The following CSE1L variants were observed in gnomAD, a reference collection of about 807,000 sequenced individuals.
CSE1L encodes the protein exportin-2.
CSE1L carries 24 observed loss-of-function variants against 120.4 expected under a neutral mutation model. The ratio of observed to expected loss-of-function variants is 0.20; its 90% CI spans 0.14 to 0.28. CSE1L has a LOEUF of 0.28. CSE1L is among the 10% of genes least tolerant of loss of function. The pLI, the probability that CSE1L is intolerant of heterozygous loss-of-function variation, is 1.00. For missense variants in CSE1L, 830 were observed against 1,145.2 expected, an observed-to-expected ratio of 0.72 and a Z score of 3.97; for synonymous variants, 402 against 398.3, an observed-to-expected ratio of 1.01 and a Z score of -0.11.
intron 5 of CSE1L, 30 bp downstream of exon 5, chr20:49,066,540 A>G (rs768238614): frequency 1.3e-6 from 2 of 1,568,548 alleles, no homozygotes; most frequent in Non-Finnish European, 1.7e-6. Flanking sequence ...TGTTTTTAAA[A>G]TACTTTCTAA....
Position 49,074,857 on chromosome 20 carries a change from A to G in CSE1L, c.1132+7A>G. 1 of 1,607,908 alleles carries G rather than the reference A, an allele frequency of 6.2e-7. No individual in the cohort carries two copies. Among genetic ancestry groups the G allele is most frequent in the Non-Finnish European group, 8.5e-7 (1 of 1,177,854 alleles). On this transcript the variant is annotated splice_region_variant and intron_variant, in intron 11 of 24. Transcript: ENST00000262982. ...AGAGATTTGGAAGGATCTGGTGTGT[A>G]TCTTGGTTTTTTAGTTACTAGTCTC...
chr20:49,079,057 A>G (rs916186308), intron 14 of CSE1L, among the ~76,000 whole-genome samples: 9 of 150,866 alleles, frequency 6.0e-5, no homozygotes, highest in African/African-American at 2.2e-4. Flanking sequence ...ACACCTAGCT[A>G]ATTTTTTGTA....
chr20:49,051,267 C>T (rs1028221915), intron 1 of CSE1L, among the ~76,000 whole-genome samples: 3 of 152,170 alleles, frequency 2.0e-5, no homozygotes, highest in South Asian at 2.1e-4. Flanking sequence ...CCTTCCAGGC[C>T]GGGCACGGTG....
chr20:49,087,939 C>A, intron 16 of CSE1L, 70 bp from the exon 17 acceptor site: 1 of 1,019,626 alleles, frequency 9.8e-7, no homozygotes, highest in Non-Finnish European at 1.5e-6. Flanking sequence ...CGCTTTTTTC[C>A]CCCCAGTCGC....
intron 1 of CSE1L, among the ~76,000 whole-genome samples, chr20:49,057,839 C>A (rs1050098154): frequency 6.6e-6 from 1 of 152,124 alleles, no homozygotes; most frequent in Non-Finnish European, 1.5e-5. Context: ...ACCATGTTGA[C>A]CAGGCTGGTC....
At chr20:49,046,789 T>C (rs1394549996) in intron 1 of CSE1L, among the ~76,000 whole-genome samples, 1 of 152,214 alleles carries the variant, frequency 6.6e-6, no homozygotes, top group Non-Finnish European at 1.5e-5. Flanking sequence ...CCGCTCCTTA[T>C]TGGTCGCGCT....
intron 14 of CSE1L, among the ~76,000 whole-genome samples, chr20:49,082,528 G>A (rs770772960): frequency 9.9e-5 from 15 of 151,926 alleles, no homozygotes; most frequent in Non-Finnish European, 2.2e-4. Context: ...GTTTTGAGAC[G>A]GAGTCTTCGC....
chr20:49,073,225 G>A (rs981180726), intron 10 of CSE1L, among the ~76,000 whole-genome samples: 2 of 151,992 alleles, frequency 1.3e-5, no homozygotes, highest in Non-Finnish European at 2.9e-5. Context: ...GTTGTTCAGG[G>A]TAGTCTCAAA....
At chr20:49,074,909 T>G (rs899496882) in intron 11 of CSE1L, 59 bp downstream of exon 11, 3 of 1,272,554 alleles carry the variant, frequency 2.4e-6, no homozygotes, top group African/African-American at 3.0e-5. Flanking sequence ...AAGGTGGTTC[T>G]CTTTCTAGTA....
rs369557696 is a variant in CSE1L, at chr20:49,088,136, C to G, written c.1821+30C>G. 148 of 1,474,512 alleles carry G rather than the reference C, an allele frequency of 1.0e-4. No individual in the cohort carries two copies. The African/African-American group carries it at 1.9e-3, about 19-fold the overall frequency. The allele number at this position is 1,474,512 out of a possible 1,614,324, so 91.3% of individuals were successfully genotyped here. A position where few individuals can be genotyped will look rare whatever the true frequency, so the allele number is the denominator to read the frequency against. Reference sequence around the variant, plus strand: ...TAGAGCCAATTTTGAAAGTGGGGTTCCTTTTTTATTTGCTCCAAACTGTTT... The same window carrying G: ...TAGAGCCAATTTTGAAAGTGGGGTTGCTTTTTTATTTGCTCCAAACTGTTT... On this transcript the variant is annotated intron_variant, in intron 17 of 24. Coordinates refer to ENST00000262982, the MANE Select transcript of CSE1L (RefSeq NM_001316.4).
At chr20:49,096,129 C>T in intron 24 of CSE1L, 1 of 687,990 alleles carries the variant, frequency 1.5e-6, no homozygotes, top group Non-Finnish European at 2.7e-6. Context: ...ACCACAATAC[C>T]ACTATCACAC....
chr20:49,092,188 A>G (rs1476665783), intron 22 of CSE1L, 61 bp downstream of exon 22: 22 of 857,166 alleles, frequency 2.6e-5, no homozygotes, highest in Non-Finnish European at 3.9e-5. Flanking sequence ...TTTTAGTACA[A>G]ATCAGTATCT....
chr20:49,077,503 A>G (rs2091978718), intron 13 of CSE1L, among the ~76,000 whole-genome samples: 1 of 152,128 alleles, frequency 6.6e-6, no homozygotes, highest in Non-Finnish European at 1.5e-5. Context: ...GTTTCCCCAG[A>G]TCTTGTCCAT....
intron 1 of CSE1L, among the ~76,000 whole-genome samples, chr20:49,050,907 T>C (rs1828218240): frequency 2.6e-5 from 4 of 152,132 alleles, no homozygotes; most frequent in Admixed American, 2.6e-4. Flanking sequence ...CTCTTTCTGT[T>C]TGACACAGTC....
At chr20:49,063,171 T>G (rs370198144) in intron 2 of CSE1L, 31 bp from the exon 3 acceptor site, 46 of 1,452,860 alleles carry the variant, frequency 3.2e-5, no homozygotes, top group African/African-American at 4.3e-5. Flanking sequence ...GATTTTTATC[T>G]TAGTCTTTTA....
At chr20:49,050,267 G>A (rs972905125) in intron 1 of CSE1L, among the ~76,000 whole-genome samples, 8 of 150,430 alleles carry the variant, frequency 5.3e-5, no homozygotes, top group Non-Finnish European at 1.0e-4. Flanking sequence ...CACCCATACT[G>A]GACTGCAGTG....
At chr20:49,070,343 G>T in intron 8 of CSE1L, 46 bp downstream of exon 8, 3 of 900,464 alleles carry the variant, frequency 3.3e-6, no homozygotes, top group Non-Finnish European at 1.8e-6. Flanking sequence ...CTTTCATTAA[G>T]AGTTATTTGG....
At chr20:49,052,327 C>T (rs201262610) in intron 1 of CSE1L, among the ~76,000 whole-genome samples, 7 of 152,112 alleles carry the variant, frequency 4.6e-5, no homozygotes, top group South Asian at 2.1e-4. Context: ...GTGTATGAGA[C>T]GACAAAGAAG....
At chr20:49,075,291 A>G (rs372336823) in intron 11 of CSE1L, 27 bp from the exon 12 acceptor site, 4 of 1,557,744 alleles carry the variant, frequency 2.6e-6, no homozygotes, top group African/African-American at 2.7e-5. Flanking sequence ...TTTTTTCCCC[A>G]TAATATATTT....
Sources: allele counts gnomAD v4.1 joint callset (sites outside exome capture counted in the v4.1 genomes callset), GRCh38; gene constraint gnomAD v4.1.1; transcripts MANE v1.5; gene names NCBI Gene and HGNC (gene_info 2026-07-23, HGNC 2026-07-21).